TENM2: variants seen among roughly 807,000 people sequenced by gnomAD.
TENM2 encodes teneurin transmembrane protein 2.
In TENM2, 52 loss-of-function variants were observed where a neutral mutation model predicts 245.2. That is an observed-to-expected ratio of 0.21 (90% confidence interval 0.17 to 0.27). The LOEUF (loss-of-function observed/expected upper bound fraction) is 0.27, where lower values mean the gene tolerates loss of function less well. TENM2 is among the 10% of genes least tolerant of loss of function. The pLI is 1.00. For synonymous variants in TENM2, 1,363 were observed against 1,438.9 expected (o/e 0.95, Z 1.19); for missense variants, 3,046 against 3,666.8 (o/e 0.83, Z 4.37).
chr5:167,336,282 A>T (rs1371883400), intron 1 of TENM2, among the ~76,000 whole-genome samples: 1 of 140,376 alleles, frequency 7.1e-6, no homozygotes, highest in Non-Finnish European at 1.5e-5. Flanking sequence ...GCCACATTCT[A>T]TAGCAAGCTG....
chr5:168,010,335 C>A (rs534891966), intron 5 of TENM2, among the ~76,000 whole-genome samples: 1 of 152,244 alleles, frequency 6.6e-6, no homozygotes, highest in African/African-American at 2.4e-5. Context: ...TGTAAGACAT[C>A]CAGGAGAAGT....
intron 7 of TENM2, among the ~76,000 whole-genome samples, chr5:168,077,050 T>G (rs895912253): frequency 9.2e-5 from 14 of 152,320 alleles, no homozygotes; most frequent in Non-Finnish European, 1.8e-4. Flanking sequence ...CTATGTAACC[T>G]CTCTGTGTCT....
chr5:168,207,751 C>G (rs980875706), intron 19 of TENM2, among the ~76,000 whole-genome samples: 1 of 152,116 alleles, frequency 6.6e-6, no homozygotes, highest in African/African-American at 2.4e-5. Flanking sequence ...CTCGCTTACC[C>G]ACCCCGGAGC....
At chr5:167,611,777 A>G (rs1167882993) in intron 2 of TENM2, among the ~76,000 whole-genome samples, 6 of 152,154 alleles carry the variant, frequency 3.9e-5, no homozygotes, top group East Asian at 3.9e-4. Flanking sequence ...TGTGTCTTAC[A>G]TGGTGAAAGG....
chr5:167,328,187 C>A (rs13187898), intron 1 of TENM2, among the ~76,000 whole-genome samples: 1 of 138,350 alleles, frequency 7.2e-6, no homozygotes. Context: ...TCCAACAGTT[C>A]GATAGTTTCT....
At chr5:167,186,807 T>C in the TENM2 span, among the ~76,000 whole-genome samples, 1 of 152,222 alleles carries the variant, frequency 6.6e-6, no homozygotes, top group East Asian at 1.9e-4. Flanking sequence ...ATTGTGTGAA[T>C]AGGAATTGCA....
chr5:167,974,035 GGAGAA>G (rs1221585120), intron 4 of TENM2, among the ~76,000 whole-genome samples: 3 of 53,822 alleles, frequency 5.6e-5, no homozygotes, highest in Admixed American at 2.4e-4. Flanking sequence ...AAGGAAGGAA[GGAGAA>G]GGAAGGAAGG....
intron 7 of TENM2, among the ~76,000 whole-genome samples, chr5:168,079,237 T>C (rs1791755627): frequency 6.6e-6 from 1 of 152,252 alleles, no homozygotes; most frequent in Non-Finnish European, 1.5e-5. Context: ...TGTTTGTCTG[T>C]TATTGGTGTA....
chr5:167,357,490 C>T (rs897806573), intron 1 of TENM2, among the ~76,000 whole-genome samples: 8 of 151,946 alleles, frequency 5.3e-5, no homozygotes, highest in African/African-American at 1.9e-4. Flanking sequence ...GAACTCCTGA[C>T]CTCAGGTGAT....
At chr5:167,705,504 T>C (rs781398651) in intron 2 of TENM2, among the ~76,000 whole-genome samples, 2 of 152,174 alleles carry the variant, frequency 1.3e-5, no homozygotes, top group African/African-American at 4.8e-5. Flanking sequence ...TTACCAATTG[T>C]CTACCTTTGC....
intron 2 of TENM2, among the ~76,000 whole-genome samples, chr5:167,492,391 C>A (rs1430568871): frequency 6.6e-6 from 1 of 152,010 alleles, no homozygotes; most frequent in Admixed American, 6.6e-5. Flanking sequence ...GCACCTATGC[C>A]ATGGCATCTG....
chr5:167,119,173 A>G, the TENM2 span, among the ~76,000 whole-genome samples: 2 of 152,252 alleles, frequency 1.3e-5, no homozygotes, highest in Non-Finnish European at 2.9e-5. Context: ...AGATACAATT[A>G]GTTAATATTA....
At chr5:168,044,288 G>C (rs185128469) in intron 5 of TENM2, among the ~76,000 whole-genome samples, 204 of 152,238 alleles carry the variant, frequency 1.3e-3, no homozygotes, top group African/African-American at 4.7e-3. Context: ...GCATGCGGGC[G>C]CCTGTAGTCC....
intron 1 of TENM2, among the ~76,000 whole-genome samples, chr5:167,318,891 C>T (rs1409904664): frequency 1.3e-5 from 2 of 152,148 alleles, no homozygotes; most frequent in African/African-American, 4.8e-5. Flanking sequence ...ATTTTTGAGA[C>T]TGTCAGCTTA....
At chr5:167,409,814 G>A (rs1382119945) in intron 2 of TENM2, among the ~76,000 whole-genome samples, 1 of 151,782 alleles carries the variant, frequency 6.6e-6, no homozygotes, top group African/African-American at 2.4e-5. Context: ...CAAAATACCA[G>A]TTGTATCAGT....
At chr5:167,344,282 G>GCACACACACACA (rs3067278) in intron 1 of TENM2, among the ~76,000 whole-genome samples, 93 of 134,532 alleles carry the variant, frequency 6.9e-4, no homozygotes, top group Middle Eastern at 7.9e-3. Context: ...GCACGTGCAC[G>GCACACACACACA]CACACACACA....
chr5:167,092,310 C>T, the TENM2 span, among the ~76,000 whole-genome samples: 1 of 151,994 alleles, frequency 6.6e-6, no homozygotes, highest in East Asian at 1.9e-4. Flanking sequence ...TTTAAGGCTA[C>T]GTCGGCAGAG....
chr5:167,690,706 A>G (rs757004796), intron 2 of TENM2, among the ~76,000 whole-genome samples: 1 of 152,104 alleles, frequency 6.6e-6, no homozygotes, highest in Non-Finnish European at 1.5e-5. Flanking sequence ...AATGCCACCT[A>G]TAATATATTG....
At chr5:166,985,597 G>C in the TENM2 span, among the ~76,000 whole-genome samples, 5 of 152,012 alleles carry the variant, frequency 3.3e-5, no homozygotes. Flanking sequence ...ATCAGACGCA[G>C]TCAGATGAAA....
Sources: gnomAD v4.1 joint callset for allele counts (sites outside exome capture counted in the v4.1 genomes callset) on GRCh38, gnomAD v4.1.1 for gene constraint, MANE v1.5 for transcripts, NCBI Gene and HGNC (gene_info 2026-07-23, HGNC 2026-07-21) for gene names.